HMGB1: variants seen among roughly 807,000 people sequenced by gnomAD.
HMGB1 encodes high mobility group box 1, also known as high mobility group protein B1.
For missense variants in HMGB1, 79 were observed against 253.5 expected (o/e 0.31, Z 4.67); for synonymous variants, 81 against 84.0 (o/e 0.96, Z 0.19).
intron 1 of HMGB1, among the ~76,000 whole-genome samples, chr13:30,563,759 G>C (rs1316495473): frequency 2.0e-5 from 3 of 152,228 alleles, no homozygotes; most frequent in African/African-American, 7.2e-5. Context: ...TCATGTTAGA[G>C]GTGTCTTTGG....
At chr13:30,474,467 C>T (rs142224152) in intron 1 of HMGB1, among the ~76,000 whole-genome samples, 2 of 152,100 alleles carry the variant, frequency 1.3e-5, no homozygotes, top group African/African-American at 4.8e-5. Context: ...ATAGGGATAC[C>T]GTGGGAGGCT....
intron 1 of HMGB1, among the ~76,000 whole-genome samples, chr13:30,509,230 G>A (rs1278041087): frequency 7.4e-5 from 11 of 148,386 alleles, no homozygotes; most frequent in Admixed American, 4.7e-4. Context: ...GAGTCACTGC[G>A]CCCAGCACCA....
intron 1 of HMGB1, among the ~76,000 whole-genome samples, chr13:30,571,472 T>C (rs778943130): frequency 6.6e-6 from 1 of 152,098 alleles, no homozygotes; most frequent in Non-Finnish European, 1.5e-5. Context: ...TTTTTTTTAT[T>C]TTTAGTAGAG....
chr13:30,532,462 T>C (rs942933571), intron 1 of HMGB1, among the ~76,000 whole-genome samples: 2 of 152,142 alleles, frequency 1.3e-5, no homozygotes, highest in Admixed American at 6.5e-5. Flanking sequence ...CTCCATAGTA[T>C]TCCATTATAT....
chr13:30,467,990 T>G (rs1319902625), upstream of HMGB1, among the ~76,000 whole-genome samples: 3 of 152,198 alleles, frequency 2.0e-5, no homozygotes, highest in African/African-American at 7.2e-5. Context: ...TTGAATAGAC[T>G]TGGGTGCAAA....
intron 1 of HMGB1, among the ~76,000 whole-genome samples, chr13:30,549,622 T>G (rs2137511291): frequency 6.6e-6 from 1 of 152,156 alleles, no homozygotes; most frequent in South Asian, 2.1e-4. Context: ...CTTGAACTCC[T>G]GGCCTCAACA....
At position 30,559,742 on chromosome 13, in the gene HMGB1, C is replaced by T. The variant is rs1043346892; in HGVS notation, c.-15+56929G>A. ...AAATGTATTTCAGCCCAAGTCTCTC[C>T]ATAACTACTAACAAGGGACTGAGGA... On this transcript the variant is annotated intron_variant, in intron 1 of 4. Transcript: ENST00000405805. This position sits in a 1 kb window ranked among gnomAD's most constrained non-coding sequence, Gnocchi z 6.6. Among the ~76,000 whole-genome samples the T allele has an allele frequency of 1.1e-4, 16 of 152,126 alleles. No individual in the cohort carries two copies. The highest frequency in any genetic ancestry group is 3.9e-4 in the African/African-American group (16 of 41,410).
intron 1 of HMGB1, among the ~76,000 whole-genome samples, chr13:30,612,142 GTGTA>G (rs1275795650): frequency 1.3e-5 from 2 of 151,338 alleles, no homozygotes; most frequent in Non-Finnish European, 2.9e-5. Context: ...AAAAATATAT[GTGTA>G]TGTGTGTGTG....
intron 1 of HMGB1, 66 bp from the exon 2 acceptor site, chr13:30,463,760 T>A: frequency 9.4e-7 from 1 of 1,059,528 alleles, no homozygotes; most frequent in Non-Finnish European, 1.3e-6. Context: ...TTAAAGTACT[T>A]AGTAAGGGAA....
chr13:30,493,687 A>G (rs1887549616), intron 1 of HMGB1, among the ~76,000 whole-genome samples: 1 of 152,164 alleles, frequency 6.6e-6, no homozygotes, highest in South Asian at 2.1e-4. Context: ...GGTCCCAGCT[A>G]CTTGTGAGGC....
At chr13:30,612,356 A>ACT (rs1466103385) in intron 1 of HMGB1, among the ~76,000 whole-genome samples, 9 of 152,324 alleles carry the variant, frequency 5.9e-5, no homozygotes, top group Admixed American at 5.9e-4. Context: ...CACTCGAGCT[A>ACT]AGACTCCAAG....
rs1037855995 is a variant in HMGB1 at position 30,456,879 on chromosome 13, A to G, written c.*4478T>C. ...CTGAAGACCCACACATGCCTGAGAG[A>G]AATGTACAGATGTTCAGCGCAGTAC... On this transcript the variant is annotated 3_prime_UTR_variant, in exon 5 of 5. Transcript: ENST00000341423. 12 of 151,688 alleles carry G rather than the reference A, an allele frequency of 7.9e-5. No individual in the cohort carries two copies. Among genetic ancestry groups the G allele is most frequent in the African/African-American group, 2.7e-4 (11 of 41,288 alleles). 9.4% of individuals were successfully genotyped at this position (151,688 alleles called of 1,614,324 possible). A position where few individuals can be genotyped will look rare whatever the true frequency, so the allele number is the denominator to read the frequency against.
chr13:30,501,731 A>G (rs9508761), intron 1 of HMGB1, among the ~76,000 whole-genome samples: 125,898 of 152,046 alleles, frequency 0.83, 56,970 homozygotes, highest in East Asian at 1. Context: ...TATACGTGCA[A>G]GTACATCAGG....
intron 1 of HMGB1, among the ~76,000 whole-genome samples, chr13:30,592,862 GCT>G (rs1491428240): frequency 6.9e-6 from 1 of 145,050 alleles, no homozygotes; most frequent in African/African-American, 2.6e-5. Context: ...AAAATTTAGT[GCT>G]TTTTTTTAAA....
At chr13:30,480,654 T>G (rs1402179162) in intron 1 of HMGB1, among the ~76,000 whole-genome samples, 1 of 152,142 alleles carries the variant, frequency 6.6e-6, no homozygotes, top group African/African-American at 2.4e-5. Context: ...CAGGCCTCAG[T>G]GAGGACCTGC....
At chr13:30,468,602 C>G (rs886919650), upstream of HMGB1, among the ~76,000 whole-genome samples, 8 of 152,084 alleles carry the variant, frequency 5.3e-5, no homozygotes, top group Admixed American at 3.3e-4. Flanking sequence ...TAATCTTCCC[C>G]TAGTCTGGTG....
intron 1 of HMGB1, chr13:30,553,996 T>C: frequency 6.7e-7 from 1 of 1,486,550 alleles, no homozygotes; most frequent in Non-Finnish European, 9.4e-7. Flanking sequence ...ACCAAAGCAG[T>C]TGTTGTGCTG....
intron 1 of HMGB1, among the ~76,000 whole-genome samples, chr13:30,518,659 C>T (rs1195190368): frequency 6.6e-6 from 1 of 151,884 alleles, no homozygotes; most frequent in Non-Finnish European, 1.5e-5. Flanking sequence ...CAGTGCCTGA[C>T]ACAGAGTAAG....
intron 3 of HMGB1, 76 bp downstream of exon 3, chr13:30,463,131 C>CA (rs1169984644): frequency 7.1e-7 from 1 of 1,400,044 alleles, no homozygotes; most frequent in Non-Finnish European, 9.9e-7. Context: ...TCTAAACTGA[C>CA]AAAGTAGCTT....
Sources: allele counts gnomAD v4.1 joint callset (sites outside exome capture counted in the v4.1 genomes callset), GRCh38; gene constraint gnomAD v4.1.1; non-coding constraint Gnocchi (gnomAD v3.1); transcripts MANE v1.5; gene names NCBI Gene and HGNC (gene_info 2026-07-23, HGNC 2026-07-21).